MYO3A: variants seen among roughly 807,000 people sequenced by gnomAD.
The protein encoded by MYO3A is myosin IIIA.
In MYO3A, 180 loss-of-function variants were observed where a neutral mutation model predicts 192.7. That is an observed-to-expected ratio of 0.93 (90% CI 0.83 to 1.06). MYO3A has a LOEUF of 1.06. Among genes scored for constraint, MYO3A ranks in the 50% least tolerant of loss-of-function variants. The probability of loss-of-function intolerance (pLI) is 0.00; values close to 1 mark genes in which losing one functional copy is unlikely to be tolerated. For synonymous variants in MYO3A, 628 were observed against 645.3 expected, an observed-to-expected ratio of 0.97 and a Z score of 0.41; for missense variants, 1,896 against 1,905.0, an observed-to-expected ratio of 1.00 and a Z score of 0.09.
At chr10:25,990,031 T>G (rs1460130174) in intron 4 of MYO3A, among the ~76,000 whole-genome samples, 1 of 152,218 alleles carries the variant, frequency 6.6e-6, no homozygotes, top group Non-Finnish European at 1.5e-5. Context: ...TTATCTTCCA[T>G]TTTTAATTAA....
intron 17 of MYO3A, among the ~76,000 whole-genome samples, chr10:26,110,052 G>A (rs960697992): frequency 1.3e-5 from 2 of 152,192 alleles, no homozygotes; most frequent in African/African-American, 4.8e-5. Context: ...GGCAAGCCAA[G>A]ATTGAATGCA....
chr10:25,960,919 A>G (rs1429832993), intron 4 of MYO3A, among the ~76,000 whole-genome samples: 1 of 152,194 alleles, frequency 6.6e-6, no homozygotes, highest in African/African-American at 2.4e-5. Context: ...TAGCAAAATC[A>G]CATATAAAAG....
intron 18 of MYO3A, among the ~76,000 whole-genome samples, chr10:26,122,950 A>G (rs954856943): frequency 1.3e-5 from 2 of 152,218 alleles, no homozygotes; most frequent in African/African-American, 4.8e-5. Context: ...CTGTTCAGAA[A>G]CAGATCCAAA....
At chr10:26,023,162 A>T (rs1392301189) in intron 8 of MYO3A, 1 of 152,224 alleles carries the variant, frequency 6.6e-6, no homozygotes, top group Non-Finnish European at 1.5e-5. Context: ...CTTAGTCCTG[A>T]TCTGGGGTAG....
chr10:25,938,223 G>GT (rs987136196), intron 2 of MYO3A, among the ~76,000 whole-genome samples: 2 of 152,194 alleles, frequency 1.3e-5, no homozygotes, highest in African/African-American at 4.8e-5. Context: ...CTGTGTATGA[G>GT]AGACGTTCAA....
chr10:26,147,640 C>T (rs1382886605), intron 23 of MYO3A, 81 bp downstream of exon 23: 1 of 1,590,184 alleles, frequency 6.3e-7, no homozygotes, highest in African/African-American at 1.3e-5. Flanking sequence ...CTAATTTCAT[C>T]CTTAATTTTT....
chr10:25,956,338 T>G (rs1195299562), intron 4 of MYO3A, among the ~76,000 whole-genome samples: 1 of 151,356 alleles, frequency 6.6e-6, no homozygotes, highest in African/African-American at 2.4e-5. Flanking sequence ...TATTATGGTT[T>G]TTTTTTTTTT....
At chr10:25,973,872 A>T (rs1838811507) in intron 4 of MYO3A, among the ~76,000 whole-genome samples, 1 of 152,214 alleles carries the variant, frequency 6.6e-6, no homozygotes, top group Admixed American at 6.5e-5. Context: ...TGGTGCTGGG[A>T]CAACTGGCTA....
chr10:26,201,714 T>C (rs988260173), intron 33 of MYO3A, among the ~76,000 whole-genome samples: 1 of 151,966 alleles, frequency 6.6e-6, no homozygotes, highest in Non-Finnish European at 1.5e-5. Context: ...AAATCACCTA[T>C]TTTATATGCA....
intron 20 of MYO3A, among the ~76,000 whole-genome samples, chr10:26,136,564 G>A (rs1839857139): frequency 6.6e-6 from 1 of 152,248 alleles, no homozygotes; most frequent in South Asian, 2.1e-4. Context: ...AGGTAGTAGA[G>A]AGTGTTCTCC....
chr10:26,183,394 G>A (rs1405093963), intron 31 of MYO3A, among the ~76,000 whole-genome samples: 1 of 152,130 alleles, frequency 6.6e-6, no homozygotes, highest in African/African-American at 2.4e-5. Context: ...TTGGTGGCGG[G>A]CGCCTATAGT....
At chr10:26,058,296 T>C (rs894012534) in intron 10 of MYO3A, among the ~76,000 whole-genome samples, 7 of 152,254 alleles carry the variant, frequency 4.6e-5, no homozygotes, top group Non-Finnish European at 8.8e-5. Context: ...ATTTCTTCCA[T>C]GTTTTTTTCA....
At chr10:25,980,191 C>T (rs190471618) in intron 4 of MYO3A, among the ~76,000 whole-genome samples, 144 of 150,888 alleles carry the variant, frequency 9.5e-4, no homozygotes, top group African/African-American at 2.5e-3. Flanking sequence ...GAGCCGAGAT[C>T]GCACCACTGC....
At chr10:25,969,549 C>G (rs767236026) in intron 4 of MYO3A, among the ~76,000 whole-genome samples, 4 of 151,848 alleles carry the variant, frequency 2.6e-5, no homozygotes, top group Non-Finnish European at 5.9e-5. Flanking sequence ...ATTGTAAACC[C>G]TAAAGCAACT....
At chr10:25,945,335 T>C (rs939332530) in intron 2 of MYO3A, among the ~76,000 whole-genome samples, 1 of 152,138 alleles carries the variant, frequency 6.6e-6, no homozygotes, top group Non-Finnish European at 1.5e-5. Context: ...GAAAAATGTG[T>C]ATTCTGTCAC....
At chr10:26,085,938 C>T (rs769466480) in intron 14 of MYO3A, among the ~76,000 whole-genome samples, 18 of 152,094 alleles carry the variant, frequency 1.2e-4, no homozygotes, top group East Asian at 1.9e-4. Context: ...TCTGGGTTTC[C>T]GTGCTCTACA....
chr10:26,148,482 T>G (rs1840603557), intron 23 of MYO3A, among the ~76,000 whole-genome samples: 3 of 152,220 alleles, frequency 2.0e-5, no homozygotes, highest in African/African-American at 7.2e-5. Flanking sequence ...TAATTATAAT[T>G]TGTTTGCTTT....
chr10:25,951,038 T>C (rs890990242), intron 2 of MYO3A, among the ~76,000 whole-genome samples: 2 of 152,150 alleles, frequency 1.3e-5, no homozygotes, highest in African/African-American at 4.8e-5. Context: ...ATGTCCTTTA[T>C]AAAGTCACTT....
intron 6 of MYO3A, among the ~76,000 whole-genome samples, chr10:26,004,398 A>G (rs1467618733): frequency 6.6e-6 from 1 of 151,902 alleles, no homozygotes; most frequent in African/African-American, 2.4e-5. Flanking sequence ...GGAGGTATCA[A>G]TGTGAACTCA....
Sources: allele counts gnomAD v4.1 joint callset (sites outside exome capture counted in the v4.1 genomes callset), GRCh38; gene constraint gnomAD v4.1.1; transcripts MANE v1.5; gene names NCBI Gene and HGNC (gene_info 2026-07-23, HGNC 2026-07-21).